The following ASTN2 variants were observed in gnomAD, a reference collection of about 807,000 sequenced individuals.
ASTN2 encodes the protein astrotactin-2.
In ASTN2, 54 loss-of-function variants were observed where a neutral mutation model predicts 139.8. That is an observed-to-expected ratio of 0.39 (90% confidence interval 0.31 to 0.48). The LOEUF is 0.48. Among genes scored for constraint, ASTN2 ranks in the 20% least tolerant of loss-of-function variants. The pLI is 0.95. For missense variants in ASTN2, 1,565 were observed against 1,725.1 expected (o/e 0.91, Z 1.64); for synonymous variants, 756 against 719.5 (o/e 1.05, Z -0.81).
chr9:116,574,046 G>A (rs528096763), intron 19 of ASTN2, among the ~76,000 whole-genome samples: 131 of 152,288 alleles, frequency 8.6e-4, no homozygotes, highest in Middle Eastern at 3.4e-3. Context: ...ACTTCCCAGG[G>A]GAAGTGAATT....
At chr9:116,846,505 GT>G (rs1832436157) in intron 11 of ASTN2, among the ~76,000 whole-genome samples, 1 of 152,202 alleles carries the variant, frequency 6.6e-6, no homozygotes, top group African/African-American at 2.4e-5. Flanking sequence ...TTTCAGGATG[GT>G]TTCTGATCAA....
intron 1 of ASTN2, among the ~76,000 whole-genome samples, chr9:117,293,440 A>C (rs1457214266): frequency 7.8e-6 from 1 of 127,526 alleles, no homozygotes; most frequent in East Asian, 2.9e-4. Context: ...TGGTGAGAAC[A>C]TAGTAAGTTA....
At chr9:116,846,958 A>G (rs1832447769) in intron 11 of ASTN2, among the ~76,000 whole-genome samples, 1 of 141,074 alleles carries the variant, frequency 7.1e-6, no homozygotes, top group South Asian at 2.5e-4. Context: ...ACAAATGCCT[A>G]TTCAGAACCT....
chr9:117,305,658 T>C lies in ASTN2; in HGVS notation c.443-14145A>G, dbSNP rs1834980089. 2.6e-5 allele frequency among the ~76,000 whole-genome samples: 4 copies of C among 152,244 alleles called. No homozygotes were observed. In the South Asian group the frequency reaches 6.2e-4, roughly 24 times the overall value. ...AAGCACTGGTTTGTCTTAGTCATCATGTATCACAGTACCTAGACAGTGCCT... is the reference window on the plus strand; with the variant it reads ...AAGCACTGGTTTGTCTTAGTCATCACGTATCACAGTACCTAGACAGTGCCT... On this transcript the variant is annotated intron_variant, in intron 1 of 22. Transcript: ENST00000313400.
chr9:117,126,549 G>C (rs11791842), intron 4 of ASTN2, among the ~76,000 whole-genome samples: 1 of 152,164 alleles, frequency 6.6e-6, no homozygotes, highest in Non-Finnish European at 1.5e-5. Context: ...TCCCAAATTA[G>C]AAAGTAGAAT....
Position 116,530,094 on chromosome 9 carries a change from GATATATATATATATAT to G in ASTN2, c.3356-42610_3356-42595del, listed in dbSNP as rs3984942. On this transcript the variant is annotated intron_variant, in intron 19 of 22. Transcript: ENST00000313400. ...ATCAGTGGATGAATGGATAAAGTGT[GATATATATATATATAT>G]ATATATATATATATATATATATATA... 5.3e-3 allele frequency among the ~76,000 whole-genome samples: 272 copies of G among 51,006 alleles called. 4 individuals carry two copies. Among genetic ancestry groups the G allele is most frequent in the African/African-American group, 0.016 (196 of 12,480 alleles). The allele number at this position is 51,006 out of a possible 152,430, so 33.5% of individuals were successfully genotyped here.
chr9:117,050,426 C>T (rs1838883499), intron 5 of ASTN2, among the ~76,000 whole-genome samples: 1 of 151,994 alleles, frequency 6.6e-6, no homozygotes, highest in African/African-American at 2.4e-5. Context: ...CTAGTAAATA[C>T]TGAATACACA....
intron 1 of ASTN2, among the ~76,000 whole-genome samples, chr9:117,327,492 G>T (rs929410306): frequency 6.6e-6 from 1 of 152,144 alleles, no homozygotes; most frequent in Admixed American, 6.5e-5. Flanking sequence ...GCCATTGGAG[G>T]CAGGCTGAAG....
intron 2 of ASTN2, among the ~76,000 whole-genome samples, chr9:117,249,855 C>T (rs1052074161): frequency 6.6e-6 from 1 of 152,076 alleles, no homozygotes; most frequent in Non-Finnish European, 1.5e-5. Context: ...TTCTTTGTCC[C>T]AATCTGTTGA....
intron 10 of ASTN2, among the ~76,000 whole-genome samples, chr9:116,884,560 G>A (rs1833540125): frequency 6.6e-6 from 1 of 151,398 alleles, no homozygotes; most frequent in Non-Finnish European, 1.5e-5. Flanking sequence ...GAATACCAGA[G>A]GAATCTCTTG....
At chr9:116,734,729 AC>A (rs1564239291) in intron 13 of ASTN2, among the ~76,000 whole-genome samples, 5 of 152,212 alleles carry the variant, frequency 3.3e-5, no homozygotes, top group African/African-American at 1.2e-4. Flanking sequence ...TGTATCTCAG[AC>A]AGTTCAAAAG....
In ASTN2 at chr9:116,576,660, G is replaced by GTGTGCC. The variant is rs201675541; in HGVS notation, c.3355+41658_3355+41663dup. Reference sequence around the variant, plus strand: ...CTGGCTCATGTGTTGTTGGTACTCTGTGTGCCTGTGCCTGTGCCTGCCCCA... The same window carrying GTGTGCC: ...CTGGCTCATGTGTTGTTGGTACTCTGTGTGCCTGTGCCTGTGCCTGTGCCTGCCCCA... On this transcript the variant is annotated intron_variant, in intron 19 of 22. Coordinates refer to ENST00000313400, the MANE Select transcript of ASTN2 (RefSeq NM_001365068.1). 4.6e-3 allele frequency among the ~76,000 whole-genome samples: 695 copies of GTGTGCC among 152,256 alleles called. 3 individuals are homozygous for GTGTGCC. The highest frequency in any genetic ancestry group is 0.016 in the African/African-American group (662 of 41,552).
intron 16 of ASTN2, among the ~76,000 whole-genome samples, chr9:116,704,131 T>G (rs1285139697): frequency 6.6e-6 from 1 of 152,202 alleles, no homozygotes; most frequent in Non-Finnish European, 1.5e-5. Flanking sequence ...TTTAACTAGC[T>G]GTGTGACCTC....
At chr9:116,696,159 AC>A (rs1860840192) in intron 16 of ASTN2, among the ~76,000 whole-genome samples, 1 of 152,152 alleles carries the variant, frequency 6.6e-6, no homozygotes, top group Non-Finnish European at 1.5e-5. Flanking sequence ...CTTGAAAATG[AC>A]GCTCAAAAAT....
At chr9:116,557,223 CAAAAAAA>C (rs60756690) in intron 19 of ASTN2, among the ~76,000 whole-genome samples, 42 of 53,598 alleles carry the variant, frequency 7.8e-4, no homozygotes, top group African/African-American at 2.5e-3. Flanking sequence ...GACTCTGTCT[CAAAAAAA>C]AAAAAAAAAA....
chr9:116,843,373 C>T (rs1404706845), intron 11 of ASTN2, among the ~76,000 whole-genome samples: 1 of 152,116 alleles, frequency 6.6e-6, no homozygotes. Flanking sequence ...TAAGTGGGAG[C>T]TAGGACGGGC....
chr9:117,029,785 T>C (rs947636972), intron 6 of ASTN2, among the ~76,000 whole-genome samples: 21 of 152,058 alleles, frequency 1.4e-4, no homozygotes, highest in African/African-American at 5.1e-4. Flanking sequence ...TCTTCCTTCT[T>C]CTAGCCAAGG....
chr9:117,182,245 A>AT (rs1215957790), intron 3 of ASTN2, among the ~76,000 whole-genome samples: 2 of 149,256 alleles, frequency 1.3e-5, no homozygotes, highest in African/African-American at 4.9e-5. Flanking sequence ...AAAAAAAAAA[A>AT]ATAATAAGAT....
intron 16 of ASTN2, among the ~76,000 whole-genome samples, chr9:116,659,292 GCA>G (rs1188828354): frequency 6.6e-6 from 1 of 152,036 alleles, no homozygotes; most frequent in Non-Finnish European, 1.5e-5. Context: ...TGCATTCCAA[GCA>G]CAGAGTTCAC....
Sources: allele counts gnomAD v4.1 joint callset (sites outside exome capture counted in the v4.1 genomes callset), GRCh38; gene constraint gnomAD v4.1.1; transcripts MANE v1.5; gene names NCBI Gene and HGNC (gene_info 2026-07-23, HGNC 2026-07-21).